The following ABLIM2 variants were observed in gnomAD, a reference collection of about 807,000 sequenced individuals.
The protein encoded by ABLIM2 is actin binding LIM protein family member 2, also known as actin-binding LIM protein 2.
Under a neutral mutation model 97.7 loss-of-function variants are expected in ABLIM2, and 53 were observed. The ratio of observed to expected loss-of-function variants is 0.54; its 90% CI spans 0.44 to 0.68. The LOEUF is 0.68. Ranked by LOEUF, ABLIM2 falls within the 30% of genes least tolerant of loss-of-function variation. ABLIM2 has a pLI of 0.00. For synonymous variants in ABLIM2, 361 were observed against 345.8 expected (o/e 1.04, Z -0.49); for missense variants, 835 against 867.2 (o/e 0.96, Z 0.47).
chr4:8,088,106 C>T (rs1276311045), intron 4 of ABLIM2, 63 bp downstream of exon 4: 1 of 526,736 alleles, frequency 1.9e-6, no homozygotes, highest in Non-Finnish European at 2.8e-6. Flanking sequence ...GCATACCCAC[C>T]CATTTAGCAC....
rs1341739316 is a variant in ABLIM2 at position 8,072,092 on chromosome 4, T to C, written c.675+5536A>G. On this transcript the variant is annotated intron_variant, in intron 6 of 20. Transcript: ENST00000447017. The surrounding 1 kb of genome is among the most constrained non-coding windows in gnomAD (Gnocchi z 5.8). ...TCAGCCACGCCGCCACAGACTCGCC[T>C]CCCCGGCAGAGGCGAAAACAAAAGC... 2 of 983,610 alleles carry C rather than the reference T, an allele frequency of 2.0e-6. No individual in the cohort carries two copies. The highest frequency in any genetic ancestry group is 1.2e-6 in the Non-Finnish European group (1 of 828,478). 60.9% of individuals were successfully genotyped at this position (983,610 alleles called of 1,614,324 possible). A position where few individuals can be genotyped will look rare whatever the true frequency, so the allele number is the denominator to read the frequency against.
chr4:8,036,547 C>G (rs1784586833), intron 9 of ABLIM2, among the ~76,000 whole-genome samples: 1 of 152,206 alleles, frequency 6.6e-6, no homozygotes, highest in African/African-American at 2.4e-5. Context: ...TCACCCCCAG[C>G]TCCTGGTATA....
intron 8 of ABLIM2, among the ~76,000 whole-genome samples, chr4:8,049,941 T>C (rs750558443): frequency 1.3e-5 from 2 of 152,204 alleles, no homozygotes; most frequent in African/African-American, 2.4e-5. Context: ...TTGGCCAGGC[T>C]GGTCTCGAAC....
In ABLIM2 at chr4:7,998,913, G is replaced by C. The variant is rs1164889932; in HGVS notation, c.1619-5986C>G. On this transcript the variant is annotated intron_variant, in intron 16 of 20. Transcript: ENST00000447017. This position sits in a 1 kb window ranked among gnomAD's most constrained non-coding sequence, Gnocchi z 6.4. ...CAGGTCCGTTTAGCTGTATGTAGCA[G>C]AGAAGAGCAGAGAGAGACGAGGCGA... 3.3e-5 allele frequency among the ~76,000 whole-genome samples: 5 copies of C among 152,332 alleles called. No individual in the cohort carries two copies. The East Asian group carries it at 9.6e-4, about 29-fold the overall frequency.
rs1781368728 is a variant in ABLIM2, at chr4:8,032,174, A to G, written c.1048-2398T>C. Among the ~76,000 whole-genome samples, 1 of 147,746 alleles carries G rather than the reference A, an allele frequency of 6.8e-6. No individual in the cohort carries two copies. The highest frequency in any genetic ancestry group is 1.5e-5 in the Non-Finnish European group (1 of 67,392). On this transcript the variant is annotated intron_variant, in intron 10 of 20. Coordinates refer to ENST00000447017, the MANE Select transcript of ABLIM2 (RefSeq NM_001130083.2). This position sits in a 1 kb window ranked among gnomAD's most constrained non-coding sequence, Gnocchi z 4.3. Reference sequence around the variant, plus strand: ...ACTGCAGTCTGATTGGCAGCTCTCTATGTCACTGATTAATTTTGAGAAACA... The same window carrying G: ...ACTGCAGTCTGATTGGCAGCTCTCTGTGTCACTGATTAATTTTGAGAAACA...
At chr4:7,984,955 A>AG in intron 17 of ABLIM2, 62 bp from the exon 18 acceptor site, 1 of 1,552,482 alleles carries the variant, frequency 6.4e-7, no homozygotes, top group Non-Finnish European at 8.8e-7. Context: ...GTGGATGGGC[A>AG]GGGACCAGGA....
rs1812296410 is a variant in ABLIM2 at position 8,071,712 on chromosome 4, C to T, written c.675+5916G>A. The T allele has an allele frequency of 1.0e-6, 1 of 983,884 alleles. No homozygotes were observed. Among genetic ancestry groups the T allele is most frequent in the African/African-American group, 1.7e-5 (1 of 57,156 alleles). The allele number at this position is 983,884 out of a possible 1,614,324, so 60.9% of individuals were successfully genotyped here. Reference sequence around the variant, plus strand: ...CCAAAAACCCACCCACCCGCAGCCCCTCCTGGCCCCTGTGAGCCCCCATCA... The same window carrying T: ...CCAAAAACCCACCCACCCGCAGCCCTTCCTGGCCCCTGTGAGCCCCCATCA... On this transcript the variant is annotated intron_variant, in intron 6 of 20. Transcript: ENST00000447017. The surrounding 1 kb of genome is among the most constrained non-coding windows in gnomAD (Gnocchi z 6.2).
intron 14 of ABLIM2, among the ~76,000 whole-genome samples, chr4:8,016,551 C>A (rs1769371197): frequency 6.6e-6 from 1 of 152,192 alleles, no homozygotes; most frequent in South Asian, 2.1e-4. Context: ...AAGCCAGGGG[C>A]TGTGGTTTGC....
At chr4:8,090,452 G>A (rs1156470453) in intron 3 of ABLIM2, among the ~76,000 whole-genome samples, 1 of 152,226 alleles carries the variant, frequency 6.6e-6, no homozygotes. Context: ...GCCTGGACCT[G>A]GGAGGGGCTG....
chr4:8,091,849 T>A (rs180676111), intron 3 of ABLIM2, among the ~76,000 whole-genome samples: 25,140 of 101,538 alleles, frequency 0.25, 3,533 homozygotes, highest in East Asian at 0.29. Flanking sequence ...AATATATTAT[T>A]TATACAATAT....
chr4:8,062,299 T>C (rs1378544557), intron 6 of ABLIM2, among the ~76,000 whole-genome samples: 2 of 152,198 alleles, frequency 1.3e-5, no homozygotes, highest in African/African-American at 4.8e-5. Context: ...GCCTGGCACC[T>C]GGGCCACGTC....
At chr4:8,029,605 A>C (rs1045019489) in intron 11 of ABLIM2, 51 bp downstream of exon 11, 1 of 1,336,170 alleles carries the variant, frequency 7.5e-7, no homozygotes, top group African/African-American at 1.5e-5. Context: ...AAAAAAAAAA[A>C]AGGAAAAGGA....
intron 3 of ABLIM2, among the ~76,000 whole-genome samples, chr4:8,091,469 T>C (rs1391031334): frequency 1.4e-4 from 7 of 48,466 alleles, no homozygotes; most frequent in African/African-American, 4.3e-4. Flanking sequence ...TATAATTATA[T>C]ATAATATATA....
rs1372179882 is a variant in ABLIM2, at chr4:7,999,803, G to A, written c.1619-6876C>T. 6.6e-6 allele frequency among the ~76,000 whole-genome samples: 1 copy of A among 152,168 alleles called. No individual in the cohort carries two copies. Among genetic ancestry groups the A allele is most frequent in the Admixed American group, 6.5e-5 (1 of 15,276 alleles). On this transcript the variant is annotated intron_variant, in intron 16 of 20. Transcript: ENST00000447017. The surrounding 1 kb of genome is among the most constrained non-coding windows in gnomAD (Gnocchi z 4.4). ...TCCATGCCCAGGCTCAGCCAAACCAGGCTCCTGGCCGCCTCCCCTCCATGA... is the reference window on the plus strand; with the variant it reads ...TCCATGCCCAGGCTCAGCCAAACCAAGCTCCTGGCCGCCTCCCCTCCATGA...
intron 3 of ABLIM2, 89 bp from the exon 4 acceptor site, chr4:8,088,373 T>A: frequency 2.0e-6 from 2 of 983,534 alleles, no homozygotes; most frequent in Non-Finnish European, 3.1e-6. Context: ...CCAGGGCCAA[T>A]GTCTCCCCAG....
At chr4:8,084,987 G>A (rs374079016) in intron 4 of ABLIM2, among the ~76,000 whole-genome samples, 42 of 152,306 alleles carry the variant, frequency 2.8e-4, no homozygotes, top group African/African-American at 9.6e-4. Context: ...GGGGCCTCAC[G>A]GGAAGGGGCA....
rs542709430 is a variant in ABLIM2, at chr4:8,136,924, A to G, written c.10+21756T>C. Among the ~76,000 whole-genome samples the G allele has an allele frequency of 3.3e-4, 50 of 152,308 alleles. 1 individual carries two copies. The highest frequency in any genetic ancestry group is 2.3e-3 in the South Asian group (11 of 4,824). ...CTCCAAATTTGTGTGAGAAAATCCT[A>G]ACTCACAAGGCAATGTATTAGGAGC... On this transcript the variant is annotated intron_variant, in intron 1 of 20. Coordinates refer to ENST00000447017, the MANE Select transcript of ABLIM2 (RefSeq NM_001130083.2).
At chr4:7,980,161 G>C (rs1187594909) in intron 20 of ABLIM2, among the ~76,000 whole-genome samples, 1 of 152,112 alleles carries the variant, frequency 6.6e-6, no homozygotes, top group African/African-American at 2.4e-5. Flanking sequence ...CTCTGCCAAG[G>C]GGATTTCAAA....
rs1841410988 is a variant in ABLIM2, at chr4:8,113,668, A to G, written c.11-7031T>C. Among the ~76,000 whole-genome samples the G allele has an allele frequency of 6.6e-6, 1 of 152,218 alleles. No individual in the cohort carries two copies. The highest frequency in any genetic ancestry group is 1.5e-5 in the Non-Finnish European group (1 of 68,042). ...GGGGTTCTCATCGGAGGCCCGCTCC[A>G]TCCGCCAAGATGATTTCAGAAAGCT... On this transcript the variant is annotated intron_variant, in intron 1 of 20. Transcript: ENST00000447017. The surrounding 1 kb of genome is among the most constrained non-coding windows in gnomAD (Gnocchi z 4.5).
Sources: allele counts gnomAD v4.1 joint callset (sites outside exome capture counted in the v4.1 genomes callset), GRCh38; gene constraint gnomAD v4.1.1; non-coding constraint Gnocchi (gnomAD v3.1); transcripts MANE v1.5; gene names NCBI Gene and HGNC (gene_info 2026-07-23, HGNC 2026-07-21).